Variants in FGF5 observed in about 807,000 individuals in gnomAD.
FGF5 encodes fibroblast growth factor 5.
A neutral mutation model predicts 21.8 loss-of-function variants in FGF5; 23 were observed. The observed-to-expected ratio is 1.05, with a 90% CI of 0.76 to 1.49. The LOEUF (loss-of-function observed/expected upper bound fraction) is 1.49. Among genes scored for constraint, FGF5 ranks in the 40% most tolerant of loss-of-function variants. The probability of loss-of-function intolerance (pLI) is 0.00; values close to 1 mark genes in which losing one functional copy is unlikely to be tolerated. For missense variants in FGF5, 352 were observed against 332.9 expected (o/e 1.06, Z -0.45); for synonymous variants, 158 against 124.0 (o/e 1.27, Z -1.82).
At chr4:80,279,097 A>T (rs1431667984) in intron 2 of FGF5, among the ~76,000 whole-genome samples, 1 of 152,038 alleles carries the variant, frequency 6.6e-6, no homozygotes, top group African/African-American at 2.4e-5. Context: ...GCCTTTCTGG[A>T]TTTATCTGAG....
rs927143651 is a variant in FGF5 at position 80,287,414 on chromosome 4, G to A, written c.*742G>A. On this transcript the variant is annotated 3_prime_UTR_variant, in exon 3 of 3. Coordinates refer to ENST00000312465, the MANE Select transcript of FGF5 (RefSeq NM_004464.4). Reference sequence around the variant, plus strand: ...TATGTGGAATCCTAAACCTTTGGTGGCTGGGATATGATGGGTTAGAAGCAA... The same window carrying A: ...TATGTGGAATCCTAAACCTTTGGTGACTGGGATATGATGGGTTAGAAGCAA... 3.9e-5 allele frequency: 6 copies of A among 152,124 alleles called. No individual in the cohort carries two copies. The highest frequency in any genetic ancestry group is 1.2e-4 in the African/African-American group (5 of 41,430). 9.4% of individuals were successfully genotyped at this position (152,124 alleles called of 1,614,324 possible). A position where few individuals can be genotyped will look rare whatever the true frequency, so the allele number is the denominator to read the frequency against.
At chr4:80,268,698 C>A in intron 1 of FGF5, 2 of 251,824 alleles carry the variant, frequency 7.9e-6, no homozygotes, top group Non-Finnish European at 1.3e-5. Flanking sequence ...TATCTGATCG[C>A]GCTGATTCAG....
At chr4:80,268,567 G>C (rs1300313789) in intron 1 of FGF5, 1 of 980,322 alleles carries the variant, frequency 1.0e-6, no homozygotes, top group Non-Finnish European at 1.2e-6. Context: ...GCGCGCAAGT[G>C]GGTAAGGCGG....
At position 80,272,772 on chromosome 4, in the gene FGF5, A is replaced by C. The variant is rs34002383; in HGVS notation, c.356-2137A>C. On this transcript the variant is annotated intron_variant, in intron 1 of 2. Coordinates refer to ENST00000312465, the MANE Select transcript of FGF5 (RefSeq NM_004464.4). ...ATCAAATCTCTCCTGTATCAACTCCATGTTGTCCCTTTTGTATCCATCATT... is the reference window on the plus strand; with the variant it reads ...ATCAAATCTCTCCTGTATCAACTCCCTGTTGTCCCTTTTGTATCCATCATT... 6.5e-4 allele frequency among the ~76,000 whole-genome samples: 99 copies of C among 152,222 alleles called. 1 individual carries two copies. The East Asian group carries it at 0.018, about 28-fold the overall frequency.
rs1287776293 is a variant in FGF5 at position 80,290,167 on chromosome 4, C to A, written c.*3495C>A. 1 of 152,020 alleles carries A rather than the reference C, an allele frequency of 6.6e-6. No homozygotes were observed. The highest frequency in any genetic ancestry group is 1.9e-4 in the East Asian group (1 of 5,188). The allele number at this position is 152,020 out of a possible 1,614,324, so 9.4% of individuals were successfully genotyped here. A position where few individuals can be genotyped will look rare whatever the true frequency, so the allele number is the denominator to read the frequency against. ...GGGCTCATTAAAAAAAGTAGTATTG[C>A]AGACATTGCTGCAATGGGAAGCAGA... On this transcript the variant is annotated 3_prime_UTR_variant, in exon 3 of 3. Coordinates refer to ENST00000312465, the MANE Select transcript of FGF5 (RefSeq NM_004464.4).
chr4:80,267,835 C>G (rs1362307184), intron 1 of FGF5, among the ~76,000 whole-genome samples: 1 of 152,016 alleles, frequency 6.6e-6, no homozygotes, highest in Non-Finnish European at 1.5e-5. Flanking sequence ...AGATTGTGCT[C>G]TAGAAAACTG....
chr4:80,275,826 A>G (rs1720394773), intron 2 of FGF5, among the ~76,000 whole-genome samples: 1 of 151,988 alleles, frequency 6.6e-6, no homozygotes, highest in South Asian at 2.1e-4. Flanking sequence ...TGGCATACTT[A>G]TTTTCTTCAC....
At chr4:80,272,997 A>G (rs997625015) in intron 1 of FGF5, among the ~76,000 whole-genome samples, 15 of 152,112 alleles carry the variant, frequency 9.9e-5, no homozygotes, top group African/African-American at 2.9e-4. Flanking sequence ...TTATTATAAC[A>G]TATTACATCT....
intron 1 of FGF5, among the ~76,000 whole-genome samples, chr4:80,271,833 A>G (rs1371703753): frequency 2.0e-5 from 3 of 152,232 alleles, no homozygotes; most frequent in Admixed American, 6.5e-5. Flanking sequence ...AAAAAAATCA[A>G]TGTCAGAGAA....
intron 1 of FGF5, 29 bp downstream of exon 1, chr4:80,267,208 G>A: frequency 3.3e-6 from 5 of 1,536,812 alleles, no homozygotes; most frequent in Non-Finnish European, 4.4e-6. Flanking sequence ...TACAAAACCC[G>A]TCCTAGGCGG....
chr4:80,274,911 GTT>G lies in FGF5; in HGVS notation c.361_362del (p.Leu121GlyfsTer38), dbSNP rs1720368154. On this transcript the variant is annotated frameshift_variant, in exon 2 of 3. Coordinates refer to ENST00000312465, the MANE Select transcript of FGF5 (RefSeq NM_004464.4). LOFTEE classifies it high-confidence loss of function. ...NGSHEANMLS[V>X]LEIFAVSQGI... ...TTTTGGGATTTCTGTCATCCTAGGTGTTTTGGAAATATTTGCTGTGTCTCAGG... is the reference window on the plus strand; with the variant it reads ...TTTTGGGATTTCTGTCATCCTAGGTGTTGGAAATATTTGCTGTGTCTCAGG... 6.7e-7 allele frequency: 1 copy of G among 1,496,132 alleles called. No individual in the cohort carries two copies. Among genetic ancestry groups the G allele is most frequent in the Non-Finnish European group, 9.3e-7 (1 of 1,079,028 alleles). 92.7% of individuals were successfully genotyped at this position (1,496,132 alleles called of 1,614,324 possible). A position where few individuals can be genotyped will look rare whatever the true frequency, so the allele number is the denominator to read the frequency against.
intron 1 of FGF5, among the ~76,000 whole-genome samples, chr4:80,271,958 G>A: frequency 6.6e-6 from 1 of 152,196 alleles, no homozygotes. Flanking sequence ...GGCCTGTGAT[G>A]TTTTGGGGAG....
Position 80,290,020 on chromosome 4 carries a change from C to T in FGF5, c.*3348C>T, listed in dbSNP as rs958776672. 2.0e-5 allele frequency: 3 copies of T among 152,102 alleles called. No individual in the cohort carries two copies. The highest frequency in any genetic ancestry group is 3.4e-3 in the Middle Eastern group (1 of 294). The allele number at this position is 152,102 out of a possible 1,614,324, so 9.4% of individuals were successfully genotyped here. Reference sequence around the variant, plus strand: ...TTTCTTACCATTAACATTTTTTACCCTTCCATAGAAGGGAGGGAATAAATC... The same window carrying T: ...TTTCTTACCATTAACATTTTTTACCTTTCCATAGAAGGGAGGGAATAAATC... On this transcript the variant is annotated 3_prime_UTR_variant, in exon 3 of 3. Coordinates refer to ENST00000312465, the MANE Select transcript of FGF5 (RefSeq NM_004464.4).
intron 1 of FGF5, chr4:80,268,537 T>G (rs1485213380): frequency 1.0e-6 from 1 of 985,868 alleles, no homozygotes; most frequent in Non-Finnish European, 1.2e-6. Flanking sequence ...CAGCCAGCAG[T>G]CTCCAGAGGG....
chr4:80,270,366 T>TG (rs11437847), intron 1 of FGF5, among the ~76,000 whole-genome samples: 2 of 76,810 alleles, frequency 2.6e-5, no homozygotes, highest in African/African-American at 9.0e-5. Context: ...GACAGTAAAC[T>TG]TTTTTTTTTT....
chr4:80,267,082 C>G lies in FGF5; in HGVS notation c.258C>G (p.Arg86=). ...GTTTCCAGTGGAGCCCCTCGGGGCGCCGGACCGGCAGCCTCTACTGCAGAG... is the reference window on the plus strand; with the variant it reads ...GTTTCCAGTGGAGCCCCTCGGGGCGGCGGACCGGCAGCCTCTACTGCAGAG... The part of the protein sequence containing the change: ...QSSFQWSPSG[R]RTGSLYCRVG... The change falls in exon 1 of 3, where the codon CGC becomes CGG. Residue 86 remains arginine, a synonymous_variant. Coordinates refer to ENST00000312465, the MANE Select transcript of FGF5 (RefSeq NM_004464.4). 1 of 1,614,210 alleles carries G rather than the reference C, an allele frequency of 6.2e-7. No homozygotes were observed.
rs1227254584 is a variant in FGF5, at chr4:80,286,528, G to A, written c.663G>A (p.Gln221=). 1.2e-6 allele frequency: 2 copies of A among 1,613,952 alleles called. No individual in the cohort carries two copies. Among genetic ancestry groups the A allele is most frequent in the Non-Finnish European group, 1.7e-6 (2 of 1,179,946 alleles). The change falls in exon 3 of 3, where the codon CAG becomes CAA. Residue 221 remains glutamine (Q), a synonymous_variant. Transcript: ENST00000312465. The stretch of plus-strand genomic sequence containing the variant: ...CCCATTTTCTGCCAAGATTCAAGCA[G>A]TCGGAGCAGCCAGAACTTTCTTTCA... ...ISTHFLPRFK[Q]SEQPELSFTV...
rs1244507576 is a variant in FGF5, at chr4:80,272,352, C to T, written c.356-2557C>T. 2.6e-5 allele frequency among the ~76,000 whole-genome samples: 4 copies of T among 152,186 alleles called. No individual in the cohort carries two copies. The East Asian group carries it at 7.7e-4, about 29-fold the overall frequency. On this transcript the variant is annotated intron_variant, in intron 1 of 2. Coordinates refer to ENST00000312465, the MANE Select transcript of FGF5 (RefSeq NM_004464.4). ...ATGTAATACAATAATAACACTTTCA[C>T]ATATATTATTTCATCTTCCCCATAT... is the stretch of plus-strand genomic sequence containing the variant.
intron 2 of FGF5, among the ~76,000 whole-genome samples, chr4:80,276,070 T>G (rs908763290): frequency 6.6e-6 from 1 of 152,120 alleles, no homozygotes; most frequent in South Asian, 2.1e-4. Context: ...ATAATTTTAC[T>G]TTTCTTAACA....
Sources: allele counts gnomAD v4.1 joint callset (sites outside exome capture counted in the v4.1 genomes callset), GRCh38; gene constraint gnomAD v4.1.1; transcripts MANE v1.5; gene names NCBI Gene and HGNC (gene_info 2026-07-23, HGNC 2026-07-21).